PTPRT: variants seen among roughly 807,000 people sequenced by gnomAD.
The protein encoded by PTPRT is protein tyrosine phosphatase receptor type T, also known as receptor-type tyrosine-protein phosphatase T.
A neutral mutation model predicts 176.8 loss-of-function variants in PTPRT; 56 were observed. The ratio of observed to expected loss-of-function variants is 0.32; its 90% confidence interval spans 0.26 to 0.40. The LOEUF (loss-of-function observed/expected upper bound fraction) is 0.40, where lower values mean the gene tolerates loss of function less well. Ranked by LOEUF, PTPRT falls within the 10% of genes least tolerant of loss-of-function variation. The probability of loss-of-function intolerance (pLI) is 1.00; values close to 1 mark genes in which losing one functional copy is unlikely to be tolerated. For missense variants in PTPRT, 1,540 were observed against 1,908.2 expected (o/e 0.81, Z 3.60); for synonymous variants, 783 against 739.0 (o/e 1.06, Z -0.96).
rs1024305525 is a variant in PTPRT, at chr20:42,659,315, G to C, written c.1153+18551C>G. Among the ~76,000 whole-genome samples the C allele has an allele frequency of 2.9e-4, 44 of 152,140 alleles. 1 individual carries two copies. The highest frequency in any genetic ancestry group is 1.0e-3 in the African/African-American group (42 of 41,424). ...AGGTAATATCTTTCATCTATCTTTGGAATATGTGGCCAGAATTAAATGTCA... is the reference window on the plus strand; with the variant it reads ...AGGTAATATCTTTCATCTATCTTTGCAATATGTGGCCAGAATTAAATGTCA... On this transcript the variant is annotated intron_variant, in intron 7 of 30. Transcript: ENST00000373187.
chr20:42,317,280 T>C (rs1245118653), intron 11 of PTPRT, among the ~76,000 whole-genome samples: 2 of 152,222 alleles, frequency 1.3e-5, no homozygotes, highest in Admixed American at 1.3e-4. Flanking sequence ...GATCCTTTAT[T>C]GAATATCAAC....
At chr20:42,040,690 C>T in the PTPRT span, among the ~76,000 whole-genome samples, 1 of 152,096 alleles carries the variant, frequency 6.6e-6, no homozygotes, top group African/African-American at 2.4e-5. Context: ...GGAAAACAGC[C>T]TAAATTATGG....
At chr20:43,053,616 C>T (rs974155435) in intron 1 of PTPRT, among the ~76,000 whole-genome samples, 3 of 152,184 alleles carry the variant, frequency 2.0e-5, no homozygotes, top group Non-Finnish European at 4.4e-5. Flanking sequence ...GTTTGTGCTC[C>T]GCCTGGATTC....
At chr20:42,852,752 C>G (rs1314752303) in intron 2 of PTPRT, among the ~76,000 whole-genome samples, 3 of 152,164 alleles carry the variant, frequency 2.0e-5, no homozygotes, top group African/African-American at 7.2e-5. Context: ...TATCAACATG[C>G]CTTCTAGTTA....
At chr20:42,532,557 A>G (rs555438877) in intron 7 of PTPRT, among the ~76,000 whole-genome samples, 4 of 152,162 alleles carry the variant, frequency 2.6e-5, no homozygotes, top group Non-Finnish European at 4.4e-5. Context: ...GTGCACCACC[A>G]TGACTTGTTA....
At chr20:42,033,625 G>A in the PTPRT span, among the ~76,000 whole-genome samples, 2 of 152,162 alleles carry the variant, frequency 1.3e-5, no homozygotes, top group African/African-American at 2.4e-5. Context: ...AGTCAGAGAG[G>A]CCTGGGCTGA....
intron 7 of PTPRT, among the ~76,000 whole-genome samples, chr20:42,656,405 G>T (rs1278420053): frequency 6.6e-6 from 1 of 152,308 alleles, no homozygotes; most frequent in East Asian, 1.9e-4. Flanking sequence ...AGACTTACAA[G>T]TAGTGATAAG....
At chr20:42,946,043 A>C (rs1377155604) in intron 1 of PTPRT, among the ~76,000 whole-genome samples, 1 of 152,206 alleles carries the variant, frequency 6.6e-6, no homozygotes, top group Non-Finnish European at 1.5e-5. Context: ...GTTCATCCAC[A>C]ATATAGCTGG....
intron 9 of PTPRT, among the ~76,000 whole-genome samples, chr20:42,437,925 C>A (rs532672510): frequency 6.6e-6 from 1 of 152,152 alleles, no homozygotes; most frequent in Non-Finnish European, 1.5e-5. Flanking sequence ...CCAGCCTAGG[C>A]GGAATTCCAA....
intron 1 of PTPRT, among the ~76,000 whole-genome samples, chr20:42,952,191 A>G (rs560918485): frequency 5.3e-5 from 8 of 152,256 alleles, no homozygotes; most frequent in South Asian, 2.1e-4. Flanking sequence ...TCCACACCAC[A>G]TGAGTCCACA....
At chr20:42,353,289 G>A (rs1228190994) in intron 9 of PTPRT, among the ~76,000 whole-genome samples, 1 of 152,128 alleles carries the variant, frequency 6.6e-6, no homozygotes, top group Non-Finnish European at 1.5e-5. Context: ...ATTGCTGACT[G>A]GTGCTTTCTC....
At chr20:42,274,144 G>T (rs2056985463) in intron 13 of PTPRT, among the ~76,000 whole-genome samples, 1 of 152,170 alleles carries the variant, frequency 6.6e-6, no homozygotes, top group Non-Finnish European at 1.5e-5. Flanking sequence ...ATCTATCCTT[G>T]GGCATAGGAA....
chr20:42,441,891 C>G (rs1000985511), intron 9 of PTPRT, among the ~76,000 whole-genome samples: 1 of 152,226 alleles, frequency 6.6e-6, no homozygotes, highest in Non-Finnish European at 1.5e-5. Flanking sequence ...TCCTAATTAA[C>G]GTAGATCCAG....
intron 9 of PTPRT, among the ~76,000 whole-genome samples, chr20:42,360,720 A>G (rs1181358682): frequency 6.6e-6 from 1 of 152,150 alleles, no homozygotes; most frequent in East Asian, 1.9e-4. Flanking sequence ...AAGTTGCATG[A>G]CCAATTCCTC....
chr20:42,169,792 A>ACAC (rs781141603), intron 16 of PTPRT, among the ~76,000 whole-genome samples: 48 of 95,382 alleles, frequency 5.0e-4, no homozygotes, highest in South Asian at 1.2e-3. Context: ...ACACACACAC[A>ACAC]ACAGTCAGTA....
chr20:42,266,438 A>G (rs922631478), intron 13 of PTPRT, among the ~76,000 whole-genome samples: 1 of 152,098 alleles, frequency 6.6e-6, no homozygotes. Context: ...GAACTGCAGG[A>G]GGGATGTGAA....
At chr20:42,244,979 G>A (rs2056423394) in intron 14 of PTPRT, among the ~76,000 whole-genome samples, 1 of 152,164 alleles carries the variant, frequency 6.6e-6, no homozygotes. Context: ...CTAAGGGGAG[G>A]AGGCAAGGGA....
intron 2 of PTPRT, among the ~76,000 whole-genome samples, chr20:42,811,451 A>G (rs539389287): frequency 6.6e-6 from 1 of 152,194 alleles, no homozygotes; most frequent in African/African-American, 2.4e-5. Context: ...TTAAAACAAA[A>G]TTGAAAGAAA....
chr20:42,701,211 C>T (rs1017624288), intron 6 of PTPRT, among the ~76,000 whole-genome samples: 8 of 152,074 alleles, frequency 5.3e-5, no homozygotes, highest in East Asian at 1.9e-4. Context: ...TACATTTCCA[C>T]GGGATTTTAG....
Sources: gnomAD v4.1 joint callset for allele counts (sites outside exome capture counted in the v4.1 genomes callset) on GRCh38, gnomAD v4.1.1 for gene constraint, MANE v1.5 for transcripts, NCBI Gene and HGNC (gene_info 2026-07-23, HGNC 2026-07-21) for gene names.